Variants in SOX5 observed in about 807,000 individuals in gnomAD.
SOX5 encodes transcription factor SOX-5.
Under a neutral mutation model 92.0 loss-of-function variants are expected in SOX5, and 9 were observed. The ratio of observed to expected loss-of-function variants is 0.10; its 90% CI spans 0.06 to 0.17. SOX5 has a LOEUF of 0.17. Ranked by LOEUF, SOX5 falls within the 10% of genes least tolerant of loss-of-function variation. SOX5 has a pLI of 1.00. For synonymous variants in SOX5, 344 were observed against 336.3 expected, an observed-to-expected ratio of 1.02 and a Z score of -0.25; for missense variants, 642 against 944.5, an observed-to-expected ratio of 0.68 and a Z score of 4.20.
rs547702359 is a variant in SOX5 at position 24,293,586 on chromosome 12, T to C, written c.-173-16274A>G. 6.8e-4 allele frequency among the ~76,000 whole-genome samples: 103 copies of C among 150,868 alleles called. 2 individuals are homozygous for C. The highest frequency in any genetic ancestry group is 2.1e-3 in the African/African-American group (88 of 41,196). Reference sequence around the variant, plus strand: ...TATTAAGGACTGGTTATGCAGTTTATAAAAAAAAAGGTGGGGAAGAATCTT... The same window carrying C: ...TATTAAGGACTGGTTATGCAGTTTACAAAAAAAAAGGTGGGGAAGAATCTT... On this transcript the variant is annotated intron_variant, in intron 2 of 4. Transcript: ENST00000446891.
At chr12:24,208,071 T>C (rs1565658402) in intron 4 of SOX5, among the ~76,000 whole-genome samples, 2 of 152,170 alleles carry the variant, frequency 1.3e-5, no homozygotes, top group Non-Finnish European at 2.9e-5. Flanking sequence ...ATTGATCCCT[T>C]AGCACTCTAG....
At chr12:23,538,495 C>T (rs1433624002) in intron 13 of SOX5, among the ~76,000 whole-genome samples, 1 of 152,204 alleles carries the variant, frequency 6.6e-6, no homozygotes, top group Admixed American at 6.5e-5. Flanking sequence ...TAGGGACAAT[C>T]TCAAACTCCT....
At chr12:24,399,900 A>T (rs1388350194) in intron 1 of SOX5, among the ~76,000 whole-genome samples, 1 of 152,252 alleles carries the variant, frequency 6.6e-6, no homozygotes, top group African/African-American at 2.4e-5. Flanking sequence ...CATTCAACAT[A>T]ATACCAAATC....
At chr12:24,068,704 GTA>G (rs1164844032) in intron 4 of SOX5, among the ~76,000 whole-genome samples, 2,275 of 72,890 alleles carry the variant, frequency 0.031, 17 homozygotes, top group African/African-American at 0.038. Context: ...GTGTGTGTGT[GTA>G]TATATATATA....
chr12:24,285,422 CA>C (rs1300846561), intron 2 of SOX5, among the ~76,000 whole-genome samples: 2 of 152,222 alleles, frequency 1.3e-5, no homozygotes, highest in East Asian at 3.9e-4. Flanking sequence ...TTTTACATGA[CA>C]ATAAACAATC....
At chr12:24,535,214 G>A (rs1424180532) in intron 1 of SOX5, among the ~76,000 whole-genome samples, 1 of 152,204 alleles carries the variant, frequency 6.6e-6, no homozygotes, top group Non-Finnish European at 1.5e-5. Flanking sequence ...GCTGTGAATA[G>A]AGGGCTCACT....
intron 2 of SOX5, among the ~76,000 whole-genome samples, chr12:24,295,457 G>A (rs932002570): frequency 3.3e-5 from 5 of 152,186 alleles, no homozygotes; most frequent in South Asian, 2.1e-4. Context: ...CACTGTGGAC[G>A]GAAGTGCAAA....
intron 6 of SOX5, among the ~76,000 whole-genome samples, chr12:23,731,211 A>G (rs2093379893): frequency 6.6e-6 from 1 of 152,170 alleles, no homozygotes; most frequent in Non-Finnish European, 1.5e-5. Context: ...AAGTTGTATC[A>G]ACAGCTTCCC....
At chr12:24,078,443 A>T (rs1942921280) in intron 4 of SOX5, among the ~76,000 whole-genome samples, 2 of 152,078 alleles carry the variant, frequency 1.3e-5, no homozygotes, top group African/African-American at 4.8e-5. Flanking sequence ...TGAAGGCTGG[A>T]AAGCTCTATT....
chr12:23,538,113 T>C (rs1015617372), intron 13 of SOX5, among the ~76,000 whole-genome samples: 1 of 152,184 alleles, frequency 6.6e-6, no homozygotes, highest in Admixed American at 6.5e-5. Flanking sequence ...AAGTAAGATC[T>C]TAGAATCTTT....
At position 23,895,208 on chromosome 12, in the gene SOX5, C is replaced by CCA. The variant is rs1555410875; in HGVS notation, c.270+584_270+585insTG. Reference sequence around the variant, plus strand: ...GAGTTGCATATTCCAGAATAGGATGCAAAAAAAAAAAAAAAAAAAATTACC... The same window carrying CCA: ...GAGTTGCATATTCCAGAATAGGATGCCAAAAAAAAAAAAAAAAAAAAATTACC... On this transcript the variant is annotated intron_variant, in intron 2 of 14. Transcript: ENST00000451604. Among the ~76,000 whole-genome samples the CCA allele has an allele frequency of 1.9e-3, 170 of 91,204 alleles. 5 individuals are homozygous for CCA. Among genetic ancestry groups the CCA allele is most frequent in the East Asian group, 8.0e-3 (16 of 1,990 alleles). The allele number at this position is 91,204 out of a possible 152,430, so 59.8% of individuals were successfully genotyped here. A position where few individuals can be genotyped will look rare whatever the true frequency, so the allele number is the denominator to read the frequency against.
At chr12:24,453,729 T>A (rs1399552546) in intron 1 of SOX5, among the ~76,000 whole-genome samples, 1 of 152,190 alleles carries the variant, frequency 6.6e-6, no homozygotes, top group Non-Finnish European at 1.5e-5. Context: ...GGTAAATGGA[T>A]ATGATAGCCA....
intron 2 of SOX5, among the ~76,000 whole-genome samples, chr12:24,280,442 T>A (rs1945031240): frequency 6.6e-6 from 1 of 152,176 alleles, no homozygotes; most frequent in South Asian, 2.1e-4. Context: ...TTATATAAAA[T>A]TTTAAGTGGA....
intron 4 of SOX5, among the ~76,000 whole-genome samples, chr12:24,043,317 C>G (rs978532179): frequency 6.6e-6 from 1 of 152,086 alleles, no homozygotes; most frequent in Non-Finnish European, 1.5e-5. Context: ...ACCTTGCACG[C>G]GTAAGCATTG....
chr12:24,000,511 A>G (rs1951497124), intron 4 of SOX5, among the ~76,000 whole-genome samples: 1 of 152,138 alleles, frequency 6.6e-6, no homozygotes, highest in Admixed American at 6.5e-5. Flanking sequence ...TTAGAAATGC[A>G]TTTGTAATCT....
chr12:24,180,782 C>T (rs996905364), intron 4 of SOX5, among the ~76,000 whole-genome samples: 12 of 152,186 alleles, frequency 7.9e-5, no homozygotes, highest in African/African-American at 2.9e-4. Flanking sequence ...TTCAGTTTCA[C>T]ATCATACATG....
At chr12:23,756,551 G>T (rs1481434494) in intron 3 of SOX5, among the ~76,000 whole-genome samples, 1 of 151,818 alleles carries the variant, frequency 6.6e-6, no homozygotes, top group Non-Finnish European at 1.5e-5. Flanking sequence ...CAATATAATT[G>T]TATATTCTTG....
chr12:24,012,973 T>A (rs17480665), intron 4 of SOX5, among the ~76,000 whole-genome samples: 21,151 of 152,176 alleles, frequency 0.14, 1,860 homozygotes, highest in Non-Finnish European at 0.2. Flanking sequence ...CATTTGGTGA[T>A]CACTTCATTC....
chr12:23,747,750 C>T (rs1031522304), intron 4 of SOX5, among the ~76,000 whole-genome samples: 31 of 152,022 alleles, frequency 2.0e-4, no homozygotes, highest in African/African-American at 6.8e-4. Flanking sequence ...AGTTATAATG[C>T]CCCGAAATGC....
Sources: allele counts gnomAD v4.1 joint callset (sites outside exome capture counted in the v4.1 genomes callset), GRCh38; gene constraint gnomAD v4.1.1; transcripts MANE v1.5; gene names NCBI Gene and HGNC (gene_info 2026-07-23, HGNC 2026-07-21).